PDE1C: variants seen among roughly 807,000 people sequenced by gnomAD.
PDE1C encodes dual specificity calcium/calmodulin-dependent 3',5'-cyclic nucleotide phosphodiesterase 1C.
A neutral mutation model predicts 93.1 loss-of-function variants in PDE1C; 62 were observed. The observed-to-expected ratio is 0.67, with a 90% CI of 0.54 to 0.82. The LOEUF (loss-of-function observed/expected upper bound fraction) is 0.82, where lower values mean the gene tolerates loss of function less well. Ranked by LOEUF, PDE1C falls within the 40% of genes least tolerant of loss-of-function variation. The pLI is 0.00. For missense variants in PDE1C, 742 were observed against 884.6 expected, an observed-to-expected ratio of 0.84 and a Z score of 2.04; for synonymous variants, 325 against 310.1, an observed-to-expected ratio of 1.05 and a Z score of -0.50.
intron 6 of PDE1C, among the ~76,000 whole-genome samples, chr7:31,869,698 C>G (rs1016970792): frequency 2.0e-5 from 3 of 152,020 alleles, no homozygotes; most frequent in Non-Finnish European, 4.4e-5. Context: ...TCTATCATAG[C>G]ATCAAACAGA....
At chr7:31,968,580 G>A (rs4720050) in intron 2 of PDE1C, among the ~76,000 whole-genome samples, 13,237 of 151,790 alleles carry the variant, frequency 0.087, 856 homozygotes, top group East Asian at 0.27. Flanking sequence ...AGCTACCAAT[G>A]ACTTTCTTCA....
the PDE1C span, chr7:31,652,643 T>C: frequency 1.9e-6 from 3 of 1,613,874 alleles, no homozygotes; most frequent in Non-Finnish European, 2.5e-6. Flanking sequence ...CCCCGAGGAC[T>C]GTGTTTCCTC....
At chr7:32,360,016 T>G (rs1199914160) in intron 1 of PDE1C, among the ~76,000 whole-genome samples, 1 of 152,186 alleles carries the variant, frequency 6.6e-6, no homozygotes, top group Non-Finnish European at 1.5e-5. Context: ...GCCACCATAC[T>G]TGATTGCAGA....
At chr7:31,705,252 A>C in the PDE1C span, among the ~76,000 whole-genome samples, 1 of 152,168 alleles carries the variant, frequency 6.6e-6, no homozygotes, top group Non-Finnish European at 1.5e-5. Flanking sequence ...TTTCCAGGGT[A>C]CCAAAAGTAA....
intron 3 of PDE1C, among the ~76,000 whole-genome samples, chr7:32,082,144 G>A (rs984694268): frequency 1.2e-4 from 19 of 152,380 alleles, no homozygotes; most frequent in African/African-American, 4.1e-4. Context: ...CTGGAAAATC[G>A]GGTCACTCCC....
chr7:31,850,870 TGA>T (rs1435798470), intron 7 of PDE1C, 129 bp from the exon 8 acceptor site: 6 of 680,156 alleles, frequency 8.8e-6, no homozygotes, highest in Admixed American at 6.6e-5. Flanking sequence ...ACAAGTTTTC[TGA>T]GAGACAGAAA....
chr7:31,922,237 T>C (rs1159906088), intron 2 of PDE1C, among the ~76,000 whole-genome samples: 1 of 152,186 alleles, frequency 6.6e-6, no homozygotes, highest in Non-Finnish European at 1.5e-5. Flanking sequence ...GTAGACTCTA[T>C]TTAACAATCT....
intron 11 of PDE1C, among the ~76,000 whole-genome samples, chr7:31,829,611 C>A (rs10951306): frequency 0.48 from 72,415 of 151,910 alleles, 19,745 homozygotes; most frequent in African/African-American, 0.75. Context: ...GTGTCTGAGG[C>A]AGCTCAACAG....
chr7:32,316,158 C>T (rs1455636957), intron 1 of PDE1C, among the ~76,000 whole-genome samples: 2 of 152,104 alleles, frequency 1.3e-5, no homozygotes, highest in African/African-American at 4.8e-5. Context: ...TAGAACAAAG[C>T]CTAGCATCAA....
chr7:31,800,103 T>C (rs904115024), intron 16 of PDE1C, among the ~76,000 whole-genome samples: 1 of 151,718 alleles, frequency 6.6e-6, no homozygotes, highest in Non-Finnish European at 1.5e-5. Context: ...CAATTTTTTG[T>C]ATGTTTTTAA....
chr7:32,301,394 T>C (rs974860744), upstream of PDE1C, among the ~76,000 whole-genome samples: 3 of 152,224 alleles, frequency 2.0e-5, no homozygotes, highest in African/African-American at 7.2e-5. Flanking sequence ...TATTTAATCA[T>C]CTTAACAGAA....
chr7:31,642,913 C>T, the PDE1C span: 2 of 1,614,026 alleles, frequency 1.2e-6, no homozygotes, highest in Non-Finnish European at 8.5e-7. Context: ...GGAGGGGCCA[C>T]CAGAGCTGTA....
chr7:32,337,400 A>G (rs1350796978), intron 1 of PDE1C, among the ~76,000 whole-genome samples: 3 of 152,194 alleles, frequency 2.0e-5, no homozygotes, highest in Non-Finnish European at 4.4e-5. Context: ...AGCATGCTAC[A>G]AGAGAAGATA....
chr7:31,979,402 C>T (rs991361092), intron 2 of PDE1C, among the ~76,000 whole-genome samples: 1 of 152,160 alleles, frequency 6.6e-6, no homozygotes, highest in African/African-American at 2.4e-5. Flanking sequence ...CAAGTAAATA[C>T]ATAGTCATTA....
At chr7:32,270,284 CTTCT>C (rs1401094226) in intron 1 of PDE1C, among the ~76,000 whole-genome samples, 6 of 150,534 alleles carry the variant, frequency 4.0e-5, no homozygotes, top group Non-Finnish European at 4.4e-5. Context: ...GTTTTCTTTC[CTTCT>C]TTCTTTTTTT....
the PDE1C span, among the ~76,000 whole-genome samples, chr7:31,637,448 A>G: frequency 2.0e-5 from 3 of 152,234 alleles, no homozygotes; most frequent in East Asian, 1.9e-4. Context: ...GTGAGATGGT[A>G]TCTCATTGTG....
At chr7:31,844,587 A>C (rs1370889559) in intron 9 of PDE1C, among the ~76,000 whole-genome samples, 4 of 152,000 alleles carry the variant, frequency 2.6e-5, no homozygotes, top group Non-Finnish European at 5.9e-5. Flanking sequence ...GCCTCTCAGC[A>C]GTTTGACTAT....
chr7:31,691,104 A>G, the PDE1C span, among the ~76,000 whole-genome samples: 14 of 152,270 alleles, frequency 9.2e-5, no homozygotes, highest in African/African-American at 3.4e-4. Context: ...ACTGAAAACA[A>G]TGGTCTGAAT....
chr7:32,019,214 C>T (rs1194710804), intron 2 of PDE1C, among the ~76,000 whole-genome samples: 4 of 149,242 alleles, frequency 2.7e-5, no homozygotes, highest in Non-Finnish European at 3.0e-5. Flanking sequence ...CACAAGGCTG[C>T]GTGGTAAGAG....
Sources: allele counts gnomAD v4.1 joint callset (sites outside exome capture counted in the v4.1 genomes callset), GRCh38; gene constraint gnomAD v4.1.1; transcripts MANE v1.5; gene names NCBI Gene and HGNC (gene_info 2026-07-23, HGNC 2026-07-21).